PCDH11X: variants seen among roughly 807,000 people sequenced by gnomAD.
PCDH11X encodes the protein protocadherin 11 X-linked, also known as protocadherin-11 X-linked.
In PCDH11X, 18 loss-of-function variants were observed where a neutral mutation model predicts 53.3. The ratio of observed to expected loss-of-function variants is 0.34; its 90% CI spans 0.23 to 0.50. The LOEUF (loss-of-function observed/expected upper bound fraction) is 0.50, where lower values mean the gene tolerates loss of function less well. Among genes scored for constraint, PCDH11X ranks in the 20% least tolerant of loss-of-function variants. The probability of loss-of-function intolerance (pLI) is 0.98; values close to 1 mark genes in which losing one functional copy is unlikely to be tolerated. For missense variants in PCDH11X, 570 were observed against 1,032.4 expected, an observed-to-expected ratio of 0.55 and a Z score of 6.14; for synonymous variants, 279 against 393.3, an observed-to-expected ratio of 0.71 and a Z score of 3.44.
chrX:92,082,779 A>G (rs1203480168), intron 6 of PCDH11X, among the ~76,000 whole-genome samples: 1 of 112,158 alleles, frequency 8.9e-6, no homozygotes, highest in African/African-American at 3.2e-5. Context: ...TATCAATTTC[A>G]GGTTGAAAAT....
chrX:91,906,959 A>G (rs781075935), intron 6 of PCDH11X, among the ~76,000 whole-genome samples: 4 of 111,059 alleles, frequency 3.6e-5, no homozygotes, highest in African/African-American at 1.3e-4. Context: ...TCAAAGAAGG[A>G]TAAATCACTT....
intron 10 of PCDH11X, among the ~76,000 whole-genome samples, chrX:92,575,936 T>TACACACACACACAC (rs1462543427): frequency 4.2e-4 from 11 of 26,213 alleles, no homozygotes; most frequent in African/African-American, 1.4e-3. Flanking sequence ...TATATATATA[T>TACACACACACACAC]ATATATATAC....
chrX:91,980,521 G>T (rs1047514651), intron 6 of PCDH11X, among the ~76,000 whole-genome samples: 2 of 111,330 alleles, frequency 1.8e-5, no homozygotes, highest in African/African-American at 6.5e-5. Flanking sequence ...CCAGGCTGTA[G>T]TGCAGTGGCA....
At chrX:91,893,206 G>T (rs1211737603) in intron 6 of PCDH11X, among the ~76,000 whole-genome samples, 2 of 111,217 alleles carry the variant, frequency 1.8e-5, no homozygotes, top group Non-Finnish European at 3.8e-5. Flanking sequence ...ATTCTAGAAA[G>T]ATTTTTAAAT....
intron 8 of PCDH11X, among the ~76,000 whole-genome samples, chrX:92,295,465 G>C (rs6618950): frequency 3.7e-5 from 4 of 109,247 alleles, no homozygotes; most frequent in African/African-American, 1.3e-4. Context: ...TTTCCAATCT[G>C]TATGAATTTT....
chrX:92,370,954 A>T (rs1368765040), intron 8 of PCDH11X, among the ~76,000 whole-genome samples: 2 of 111,967 alleles, frequency 1.8e-5, no homozygotes, highest in African/African-American at 6.5e-5. Context: ...TTATCAATAC[A>T]TATTGTCCTT....
chrX:92,304,877 A>C (rs1379163652), intron 8 of PCDH11X, among the ~76,000 whole-genome samples: 1 of 112,334 alleles, frequency 8.9e-6, no homozygotes, highest in East Asian at 2.8e-4. Context: ...AGATGAAAAT[A>C]TGATGATATT....
intron 10 of PCDH11X, among the ~76,000 whole-genome samples, chrX:92,507,953 C>G (rs1425661673): frequency 9.1e-6 from 1 of 109,325 alleles, no homozygotes; most frequent in African/African-American, 3.3e-5. Flanking sequence ...GCTGGGATTA[C>G]AGGCGCCCGC....
At chrX:92,150,596 T>C (rs1230054287) in intron 6 of PCDH11X, among the ~76,000 whole-genome samples, 5 of 110,598 alleles carry the variant, frequency 4.5e-5, no homozygotes, top group Admixed American at 2.9e-4. Context: ...TGCATTTCAA[T>C]AAAAATTTTA....
chrX:92,383,397 A>G (rs1412421178), intron 8 of PCDH11X, among the ~76,000 whole-genome samples: 1 of 108,908 alleles, frequency 9.2e-6, no homozygotes, highest in Admixed American at 1.0e-4. Flanking sequence ...ACATAAGTAT[A>G]CACATGCCAT....
At chrX:92,104,268 CT>C (rs200887012) in intron 6 of PCDH11X, among the ~76,000 whole-genome samples, 1,442 of 109,730 alleles carry the variant, frequency 0.013, 19 homozygotes, top group African/African-American at 0.044. Flanking sequence ...GAATTGGGAC[CT>C]AGCTCAGCCT....
intron 1 of PCDH11X, among the ~76,000 whole-genome samples, chrX:91,803,927 G>C (rs911576608): frequency 1.8e-5 from 2 of 110,668 alleles, no homozygotes; most frequent in African/African-American, 6.6e-5. Flanking sequence ...ATATGATCTT[G>C]GCAGCAGGAA....
At chrX:92,393,641 T>C (rs1173077825) in intron 9 of PCDH11X, among the ~76,000 whole-genome samples, 1 of 111,365 alleles carries the variant, frequency 9.0e-6, no homozygotes, top group Non-Finnish European at 1.9e-5. Flanking sequence ...TTATTCTTTT[T>C]CAAATGAAAT....
At chrX:92,388,005 T>C (rs2071046710) in intron 9 of PCDH11X, 72 bp downstream of exon 9, 6 of 1,185,134 alleles carry the variant, frequency 5.1e-6, no homozygotes, top group Non-Finnish European at 6.8e-6. Context: ...ATCATAGCCA[T>C]AATAACATGG....
At chrX:91,903,559 T>C (rs977448922) in intron 6 of PCDH11X, among the ~76,000 whole-genome samples, 1 of 109,558 alleles carries the variant, frequency 9.1e-6, no homozygotes, top group Non-Finnish European at 1.9e-5. Flanking sequence ...TTCATTCATA[T>C]TTTTTTATAG....
At chrX:92,591,309 G>A (rs757244104) in intron 10 of PCDH11X, among the ~76,000 whole-genome samples, 67 of 111,462 alleles carry the variant, frequency 6.0e-4, no homozygotes, top group African/African-American at 2.2e-3. Context: ...TTACCAATCA[G>A]TCTTCTGGCT....
chrX:92,391,717 A>G (rs1429973926), intron 9 of PCDH11X, among the ~76,000 whole-genome samples: 1 of 111,259 alleles, frequency 9.0e-6, no homozygotes, highest in Non-Finnish European at 1.9e-5. Context: ...TTGTCCTCAA[A>G]TAGAGAATGC....
intron 10 of PCDH11X, among the ~76,000 whole-genome samples, chrX:92,476,657 T>C (rs2073391717): frequency 3.5e-5 from 2 of 57,840 alleles, no homozygotes; most frequent in Admixed American, 1.8e-4. Flanking sequence ...TTTATTGTTA[T>C]CTTTGCGGTA....
chrX:92,393,482 G>A (rs1010195432), intron 9 of PCDH11X, among the ~76,000 whole-genome samples: 17 of 110,201 alleles, frequency 1.5e-4, no homozygotes, highest in Non-Finnish European at 2.9e-4. Context: ...CCATGGCCCC[G>A]GGTTCTGGAA....
Sources: gnomAD v4.1 joint callset for allele counts (sites outside exome capture counted in the v4.1 genomes callset) on GRCh38, gnomAD v4.1.1 for gene constraint, MANE v1.5 for transcripts, NCBI Gene and HGNC (gene_info 2026-07-23, HGNC 2026-07-21) for gene names.